The following PCDH15 variants were observed in gnomAD, a reference collection of about 807,000 sequenced individuals.
The protein encoded by PCDH15 is protocadherin-15.
A neutral mutation model predicts 178.5 loss-of-function variants in PCDH15; 129 were observed. The observed-to-expected ratio is 0.72, with a 90% confidence interval of 0.63 to 0.84. The LOEUF (loss-of-function observed/expected upper bound fraction) is 0.84. PCDH15 is among the 40% of genes least tolerant of loss of function. The pLI, the probability that PCDH15 is intolerant of heterozygous loss-of-function variation, is 0.00. For synonymous variants in PCDH15, 800 were observed against 732.0 expected (o/e 1.09, Z -1.50); for missense variants, 2,230 against 2,099.9 (o/e 1.06, Z -1.21).
intron 1 of PCDH15, among the ~76,000 whole-genome samples, chr10:55,197,695 G>T (rs1840131834): frequency 6.6e-6 from 1 of 152,000 alleles, no homozygotes; most frequent in Admixed American, 6.6e-5. Flanking sequence ...CATCCTCCTG[G>T]TTCAGGGCCT....
chr10:54,819,766 G>A (rs1953006627), intron 3 of PCDH15, among the ~76,000 whole-genome samples: 1 of 151,930 alleles, frequency 6.6e-6, no homozygotes, highest in Admixed American at 6.6e-5. Context: ...TGTCTTGTAT[G>A]TGCCTTTGGA....
chr10:55,358,463 A>G (rs10825501), intron 2 of PCDH15, among the ~76,000 whole-genome samples: 42,846 of 151,908 alleles, frequency 0.28, 7,323 homozygotes, highest in Admixed American at 0.38. Flanking sequence ...TGTCTTTGGT[A>G]TCAGATGGTA....
chr10:54,037,798 T>G (rs2135484563), intron 18 of PCDH15, among the ~76,000 whole-genome samples: 1 of 152,078 alleles, frequency 6.6e-6, no homozygotes, highest in African/African-American at 2.4e-5. Flanking sequence ...AAGAAAGAAG[T>G]TATTGACTTA....
At chr10:55,589,551 C>T (rs1161653574) in intron 2 of PCDH15, among the ~76,000 whole-genome samples, 1 of 151,638 alleles carries the variant, frequency 6.6e-6, no homozygotes, top group Non-Finnish European at 1.5e-5. Flanking sequence ...AGAAAATTTT[C>T]GCAACCTACT....
At chr10:54,285,322 G>A (rs865924040) in intron 8 of PCDH15, among the ~76,000 whole-genome samples, 24 of 150,416 alleles carry the variant, frequency 1.6e-4, no homozygotes, top group Admixed American at 1.2e-3. Flanking sequence ...TCCAAACCAT[G>A]TATCAGATAA....
intron 1 of PCDH15, among the ~76,000 whole-genome samples, chr10:54,696,219 T>C (rs2095221120): frequency 6.6e-6 from 1 of 152,048 alleles, no homozygotes; most frequent in African/African-American, 2.4e-5. Context: ...ATTCCAACAC[T>C]CATGAATGAC....
chr10:54,138,605 T>C (rs1295061437), intron 14 of PCDH15, among the ~76,000 whole-genome samples: 1 of 152,238 alleles, frequency 6.6e-6, no homozygotes, highest in Non-Finnish European at 1.5e-5. Context: ...GTGCTACTGC[T>C]CTAACCATGG....
intron 2 of PCDH15, among the ~76,000 whole-genome samples, chr10:54,565,656 G>T (rs182226543): frequency 1.3e-5 from 2 of 152,164 alleles, no homozygotes; most frequent in East Asian, 3.9e-4. Context: ...CCTTGTTTGG[G>T]GTGGTATTTA....
chr10:55,027,634 CT>C (rs1302578854), intron 2 of PCDH15, among the ~76,000 whole-genome samples: 1 of 151,774 alleles, frequency 6.6e-6, no homozygotes, highest in Non-Finnish European at 1.5e-5. Flanking sequence ...CACAACTTCT[CT>C]TCCCCTGTCA....
chr10:54,439,341 A>C (rs2075649722), intron 3 of PCDH15, among the ~76,000 whole-genome samples: 1 of 152,062 alleles, frequency 6.6e-6, no homozygotes, highest in South Asian at 2.1e-4. Flanking sequence ...GGGGCATCAT[A>C]TTGGGAAGCT....
At chr10:55,614,468 G>A (rs1483966845) in intron 2 of PCDH15, among the ~76,000 whole-genome samples, 1 of 152,142 alleles carries the variant, frequency 6.6e-6, no homozygotes, top group Non-Finnish European at 1.5e-5. Flanking sequence ...TTGTTCTACT[G>A]TTTTAAGTGC....
chr10:54,665,963 A>T (rs899405979), intron 1 of PCDH15, among the ~76,000 whole-genome samples: 9 of 151,956 alleles, frequency 5.9e-5, no homozygotes, highest in Non-Finnish European at 8.8e-5. Context: ...CTTTTTTTTT[A>T]AATTCAAGCT....
intron 2 of PCDH15, among the ~76,000 whole-genome samples, chr10:55,030,117 C>T (rs977834688): frequency 4.6e-5 from 7 of 152,104 alleles, no homozygotes; most frequent in African/African-American, 1.7e-4. Context: ...ATGTTTTGGA[C>T]ACATAGAAAT....
At chr10:54,422,979 T>A (rs1955740424) in intron 3 of PCDH15, among the ~76,000 whole-genome samples, 1 of 152,144 alleles carries the variant, frequency 6.6e-6, no homozygotes, top group Admixed American at 6.6e-5. Flanking sequence ...TTGCCTAATA[T>A]CTCTTTTGAA....
chr10:54,894,812 A>G (rs1954520259), intron 3 of PCDH15, among the ~76,000 whole-genome samples: 2 of 152,196 alleles, frequency 1.3e-5, no homozygotes, highest in African/African-American at 4.8e-5. Context: ...GGGCCTGTAT[A>G]TAAGTAGTGA....
chr10:54,157,347 G>T (rs780436371), intron 13 of PCDH15, among the ~76,000 whole-genome samples: 1 of 152,170 alleles, frequency 6.6e-6, no homozygotes, highest in Non-Finnish European at 1.5e-5. Flanking sequence ...CTTGACTTCT[G>T]TGCACCTGCA....
intron 2 of PCDH15, among the ~76,000 whole-genome samples, chr10:55,145,238 T>G (rs548903184): frequency 6.6e-6 from 1 of 151,984 alleles, no homozygotes; most frequent in Non-Finnish European, 1.5e-5. Flanking sequence ...AGGACCAGGT[T>G]TTGCAGGATA....
rs563092583 is a variant in PCDH15 at position 55,455,090 on chromosome 10, A to G, written c.-156+172535T>C. Among the ~76,000 whole-genome samples, 189 of 152,242 alleles carry G rather than the reference A, an allele frequency of 1.2e-3. 2 individuals carry two copies. The highest frequency in any genetic ancestry group is 4.3e-3 in the African/African-American group (179 of 41,540). On this transcript the variant is annotated intron_variant, in intron 2 of 5. Transcript: ENST00000613346. The stretch of plus-strand genomic sequence containing the variant: ...TGTTGTGTGTTGCGTGGTATATTAT[A>G]GTAAAAGTACAAATGGTCTTTGAAT...
At chr10:53,903,727 T>C (rs1468654437) in intron 25 of PCDH15, among the ~76,000 whole-genome samples, 1 of 152,172 alleles carries the variant, frequency 6.6e-6, no homozygotes, top group East Asian at 1.9e-4. Context: ...CACAAATATA[T>C]AAACCCCTTA....
Sources: allele counts gnomAD v4.1 joint callset (sites outside exome capture counted in the v4.1 genomes callset), GRCh38; gene constraint gnomAD v4.1.1; transcripts MANE v1.5; gene names NCBI Gene and HGNC (gene_info 2026-07-23, HGNC 2026-07-21).